Variants in SLC35F1 observed in about 807,000 individuals in gnomAD.
The protein encoded by SLC35F1 is chromosome 6 open reading frame 169.
In SLC35F1, 14 loss-of-function variants were observed where a neutral mutation model predicts 48.7. That is an observed-to-expected ratio of 0.29 (90% CI 0.19 to 0.45). The LOEUF (loss-of-function observed/expected upper bound fraction) is 0.45. SLC35F1 is among the 20% of genes least tolerant of loss of function. The pLI, the probability that SLC35F1 is intolerant of heterozygous loss-of-function variation, is 1.00. For synonymous variants in SLC35F1, 190 were observed against 202.2 expected, an observed-to-expected ratio of 0.94 and a Z score of 0.51; for missense variants, 404 against 500.0, an observed-to-expected ratio of 0.81 and a Z score of 1.83.
chr6:117,965,613 A>T (rs1237693307), intron 1 of SLC35F1, among the ~76,000 whole-genome samples: 1 of 152,150 alleles, frequency 6.6e-6, no homozygotes, highest in Non-Finnish European at 1.5e-5. Flanking sequence ...GACTCTCATT[A>T]TTCCCACCCC....
At chr6:118,038,262 A>G (rs1772162903) in intron 1 of SLC35F1, among the ~76,000 whole-genome samples, 1 of 152,118 alleles carries the variant, frequency 6.6e-6, no homozygotes, top group Non-Finnish European at 1.5e-5. Context: ...ATTACTGTAG[A>G]TATTTCCCAT....
rs566521041 is a variant in SLC35F1, at chr6:118,001,965, G to C, written c.173+94066G>C. ...GTCAGGAAACAACAGGTGCTGGAGA[G>C]GATGTGGAGAAATAGGAACACTTTT... is the stretch of plus-strand genomic sequence containing the variant. On this transcript the variant is annotated intron_variant, in intron 1 of 7. Coordinates refer to ENST00000360388, the MANE Select transcript of SLC35F1 (RefSeq NM_001029858.4). Among the ~76,000 whole-genome samples, 56 of 148,256 alleles carry C rather than the reference G, an allele frequency of 3.8e-4. No individual in the cohort carries two copies. In the South Asian group the frequency reaches 9.4e-3, roughly 25 times the overall value.
chr6:117,967,455 G>T (rs948176790), intron 1 of SLC35F1, among the ~76,000 whole-genome samples: 4 of 152,124 alleles, frequency 2.6e-5, no homozygotes, highest in African/African-American at 9.7e-5. Context: ...AAATTGGTAG[G>T]TTATTCCTAC....
chr6:118,308,172 A>G (rs542135335), intron 7 of SLC35F1, among the ~76,000 whole-genome samples: 1 of 152,332 alleles, frequency 6.6e-6, no homozygotes, highest in South Asian at 2.1e-4. Flanking sequence ...CTACTCTGGT[A>G]CCCAGGACTG....
At chr6:117,966,104 CA>C (rs1456813291) in intron 1 of SLC35F1, among the ~76,000 whole-genome samples, 1 of 132,330 alleles carries the variant, frequency 7.6e-6, no homozygotes, top group Non-Finnish European at 1.6e-5. Flanking sequence ...TAGGTTGGGC[CA>C]AATAAGGGAA....
At chr6:118,220,303 T>C (rs1002267288) in intron 2 of SLC35F1, among the ~76,000 whole-genome samples, 2 of 152,104 alleles carry the variant, frequency 1.3e-5, no homozygotes, top group East Asian at 1.9e-4. Context: ...GTGGGTCAAA[T>C]TGAGGAAATT....
chr6:118,250,548 C>T (rs1562339513), intron 3 of SLC35F1, among the ~76,000 whole-genome samples: 1 of 152,128 alleles, frequency 6.6e-6, no homozygotes, highest in African/African-American at 2.4e-5. Flanking sequence ...GTATGGGAGC[C>T]CCTCAGGGGG....
intron 2 of SLC35F1, among the ~76,000 whole-genome samples, chr6:118,229,527 C>T (rs1384570017): frequency 6.6e-6 from 1 of 152,178 alleles, no homozygotes; most frequent in Non-Finnish European, 1.5e-5. Flanking sequence ...ATGCATGACT[C>T]ATGAGGATAA....
intron 2 of SLC35F1, among the ~76,000 whole-genome samples, chr6:118,166,911 T>G (rs1474578875): frequency 6.6e-6 from 1 of 152,170 alleles, no homozygotes; most frequent in Non-Finnish European, 1.5e-5. Flanking sequence ...GTTTTATACT[T>G]TTAGTTCTGC....
At chr6:118,092,817 A>G (rs987081588) in intron 1 of SLC35F1, among the ~76,000 whole-genome samples, 1 of 152,270 alleles carries the variant, frequency 6.6e-6, no homozygotes, top group Non-Finnish European at 1.5e-5. Flanking sequence ...GTTTTGGCCA[A>G]TGTCTCCCAT....
intron 1 of SLC35F1, among the ~76,000 whole-genome samples, chr6:118,051,923 G>C (rs979609430): frequency 2.0e-5 from 3 of 152,094 alleles, no homozygotes; most frequent in Admixed American, 2.0e-4. Context: ...GGAAGTGCAT[G>C]GCCTCAATAC....
intron 2 of SLC35F1, among the ~76,000 whole-genome samples, chr6:118,223,655 A>G (rs1162620936): frequency 6.6e-6 from 1 of 152,148 alleles, no homozygotes; most frequent in Non-Finnish European, 1.5e-5. Flanking sequence ...GGCATTTGGG[A>G]TGGGAGATGG....
At chr6:118,249,825 C>T (rs1016812434) in intron 3 of SLC35F1, among the ~76,000 whole-genome samples, 1 of 152,110 alleles carries the variant, frequency 6.6e-6, no homozygotes, top group Non-Finnish European at 1.5e-5. Context: ...GGAAGACAGA[C>T]CATGACTGGG....
At chr6:118,246,310 T>G (rs976406793) in intron 3 of SLC35F1, among the ~76,000 whole-genome samples, 2 of 152,182 alleles carry the variant, frequency 1.3e-5, no homozygotes, top group African/African-American at 4.8e-5. Context: ...GCCCTCTTTT[T>G]CTTCATGGCT....
At chr6:117,996,606 G>A (rs1467445676) in intron 1 of SLC35F1, among the ~76,000 whole-genome samples, 1 of 152,188 alleles carries the variant, frequency 6.6e-6, no homozygotes, top group Non-Finnish European at 1.5e-5. Context: ...CAATCAGACA[G>A]CAGCATTCGC....
chr6:117,947,662 T>C (rs888295824), intron 1 of SLC35F1, among the ~76,000 whole-genome samples: 3 of 152,200 alleles, frequency 2.0e-5, no homozygotes, highest in African/African-American at 7.2e-5. Flanking sequence ...GTGTAAAGTA[T>C]GAGACAAGAA....
intron 1 of SLC35F1, among the ~76,000 whole-genome samples, chr6:118,131,052 A>G (rs1773703018): frequency 6.6e-6 from 1 of 152,208 alleles, no homozygotes; most frequent in African/African-American, 2.4e-5. Context: ...CTGTTTGGCT[A>G]AAGTAGAAGG....
intron 1 of SLC35F1, among the ~76,000 whole-genome samples, chr6:117,971,348 G>GC (rs1435098090): frequency 1.3e-5 from 2 of 152,220 alleles, no homozygotes; most frequent in Non-Finnish European, 2.9e-5. Context: ...GCAGGGTACA[G>GC]CCCCCCTCCC....
In SLC35F1 at chr6:118,316,590, T is replaced by C. The variant is rs943338673; in HGVS notation, c.*2338T>C. ...TTTGTAGACACTTAGTAAAGTCTTATGAGAAGCAAGTGGATGAAATTATCT... is the reference window on the plus strand; with the variant it reads ...TTTGTAGACACTTAGTAAAGTCTTACGAGAAGCAAGTGGATGAAATTATCT... On this transcript the variant is annotated 3_prime_UTR_variant, in exon 8 of 8. Coordinates refer to ENST00000360388, the MANE Select transcript of SLC35F1 (RefSeq NM_001029858.4). 5.9e-5 allele frequency: 9 copies of C among 152,664 alleles called. No homozygotes were observed. The highest frequency in any genetic ancestry group is 1.9e-4 in the African/African-American group (8 of 41,450). 9.5% of individuals were successfully genotyped at this position (152,664 alleles called of 1,614,324 possible). A position where few individuals can be genotyped will look rare whatever the true frequency, so the allele number is the denominator to read the frequency against.
Sources: allele counts gnomAD v4.1 joint callset (sites outside exome capture counted in the v4.1 genomes callset), GRCh38; gene constraint gnomAD v4.1.1; transcripts MANE v1.5; gene names NCBI Gene and HGNC (gene_info 2026-07-23, HGNC 2026-07-21).